UBE2D1: variants seen among roughly 807,000 people sequenced by gnomAD.
UBE2D1 encodes ubiquitin-conjugating enzyme E2 D1.
In UBE2D1, 9 loss-of-function variants were observed where a neutral mutation model predicts 24.6. The observed-to-expected ratio is 0.37, with a 90% CI of 0.22 to 0.64. UBE2D1 has a LOEUF of 0.64. UBE2D1 is among the 30% of genes least tolerant of loss of function. UBE2D1 has a pLI of 0.64. For missense variants in UBE2D1, 87 were observed against 177.1 expected, an observed-to-expected ratio of 0.49 and a Z score of 2.89; for synonymous variants, 57 against 57.6, an observed-to-expected ratio of 0.99 and a Z score of 0.04.
intron 1 of UBE2D1, among the ~76,000 whole-genome samples, chr10:58,344,014 AATTCT>A (rs1839989426): frequency 6.6e-6 from 1 of 152,106 alleles, no homozygotes; most frequent in Non-Finnish European, 1.5e-5. Context: ...TTTATGTGAA[AATTCT>A]ATTTATTTAA....
intron 1 of UBE2D1, among the ~76,000 whole-genome samples, chr10:58,346,878 T>C (rs1433587817): frequency 6.6e-6 from 1 of 152,148 alleles, no homozygotes; most frequent in Non-Finnish European, 1.5e-5. Flanking sequence ...TAAGCTACAG[T>C]GTTAGCAGAG....
chr10:58,336,091 G>A (rs1453065488), intron 1 of UBE2D1, among the ~76,000 whole-genome samples: 1 of 152,098 alleles, frequency 6.6e-6, no homozygotes, highest in Non-Finnish European at 1.5e-5. Flanking sequence ...GTATGGAATC[G>A]TCTTTTTTTC....
At position 58,361,542 on chromosome 10, in the gene UBE2D1, A is replaced by G. The variant is rs1156894225; in HGVS notation, c.120+16A>G. 1 of 1,613,784 alleles carries G rather than the reference A, an allele frequency of 6.2e-7. No individual in the cohort carries two copies. Among genetic ancestry groups the G allele is most frequent in the African/African-American group, 1.3e-5 (1 of 74,922 alleles). On this transcript the variant is annotated intron_variant, in intron 3 of 6. Transcript: ENST00000373910. ...TATGGGGCCTGTAAGTATGATTCAT[A>G]TCTATGAAATTAACCCCCTCAGCCA...
rs201608334 is a variant in UBE2D1 at position 58,370,048 on chromosome 10, C to CTTTTTTTT, written c.*1291_*1298dup. 7.0e-6 allele frequency: 1 copy of CTTTTTTTT among 142,196 alleles called. No homozygotes were observed. Among genetic ancestry groups the CTTTTTTTT allele is most frequent in the Non-Finnish European group, 1.6e-5 (1 of 64,146 alleles). 8.8% of individuals were successfully genotyped at this position (142,196 alleles called of 1,614,324 possible). On this transcript the variant is annotated 3_prime_UTR_variant, in exon 7 of 7. Coordinates refer to ENST00000373910, the MANE Select transcript of UBE2D1 (RefSeq NM_003338.5). ...TTTAATGCCATCACAATTTGAAAAACTTTTTTTTTTTTTTTACTATAGAAG... is the reference window on the plus strand; with the variant it reads ...TTTAATGCCATCACAATTTGAAAAACTTTTTTTTTTTTTTTTTTTTTTTACTATAGAAG...
intron 1 of UBE2D1, 127 bp downstream of exon 1, chr10:58,335,352 G>C (rs964973550): frequency 8.6e-7 from 1 of 1,163,146 alleles, no homozygotes; most frequent in African/African-American, 1.6e-5. Context: ...TGCGGGCAGG[G>C]AGCTGAAGGC....
At chr10:58,358,855 G>A (rs11597042) in intron 1 of UBE2D1, among the ~76,000 whole-genome samples, 1 of 151,040 alleles carries the variant, frequency 6.6e-6, no homozygotes, top group African/African-American at 2.4e-5. Context: ...CGAACTCCTG[G>A]GTTCAGGCGA....
At chr10:58,336,490 A>G (rs1025030861) in intron 1 of UBE2D1, among the ~76,000 whole-genome samples, 1 of 152,064 alleles carries the variant, frequency 6.6e-6, no homozygotes, top group Non-Finnish European at 1.5e-5. Flanking sequence ...CCAGTTTTTT[A>G]TTTTCAAATT....
intron 1 of UBE2D1, among the ~76,000 whole-genome samples, chr10:58,347,011 T>C (rs906147493): frequency 1.3e-5 from 2 of 152,206 alleles, no homozygotes; most frequent in Non-Finnish European, 2.9e-5. Context: ...TATCACAGGC[T>C]CCCTGGTCTA....
chr10:58,343,789 G>A (rs1467125188), intron 1 of UBE2D1, among the ~76,000 whole-genome samples: 2 of 152,136 alleles, frequency 1.3e-5, no homozygotes, highest in East Asian at 1.9e-4. Flanking sequence ...ACACTCAAGT[G>A]CCCACTATAT....
intron 3 of UBE2D1, 22 bp from the exon 4 acceptor site, chr10:58,363,587 T>A: frequency 6.4e-7 from 1 of 1,565,424 alleles, no homozygotes; most frequent in Non-Finnish European, 8.7e-7. Flanking sequence ...CAAATGCTGA[T>A]GCAAATCTTT....
At position 58,369,138 on chromosome 10, in the gene UBE2D1, A is replaced by C. The variant is rs879052303; in HGVS notation, c.*373A>C. 6.3e-6 allele frequency: 1 copy of C among 157,670 alleles called. No homozygotes were observed. The highest frequency in any genetic ancestry group is 2.0e-4 in the South Asian group (1 of 4,932). 9.8% of individuals were successfully genotyped at this position (157,670 alleles called of 1,614,324 possible). A position where few individuals can be genotyped will look rare whatever the true frequency, so the allele number is the denominator to read the frequency against. Reference sequence around the variant, plus strand: ...TGTTGTCTAAGATGTCAGTTTTATAAATCTGTATTCAGATTTCATTCTTTG... The same window carrying C: ...TGTTGTCTAAGATGTCAGTTTTATACATCTGTATTCAGATTTCATTCTTTG... On this transcript the variant is annotated 3_prime_UTR_variant, in exon 7 of 7. Transcript: ENST00000373910.
intron 1 of UBE2D1, among the ~76,000 whole-genome samples, chr10:58,359,000 C>T (rs1174598982): frequency 2.9e-5 from 4 of 139,152 alleles, no homozygotes; most frequent in African/African-American, 1.1e-4. Context: ...GAAGAGAAAC[C>T]GCACCAGCTA....
intron 1 of UBE2D1, among the ~76,000 whole-genome samples, chr10:58,357,836 C>G (rs1204050804): frequency 1.3e-5 from 2 of 152,086 alleles, no homozygotes; most frequent in African/African-American, 4.8e-5. Flanking sequence ...AAATAATGAT[C>G]CATGTGAATA....
intron 1 of UBE2D1, among the ~76,000 whole-genome samples, chr10:58,358,376 A>G (rs1218055092): frequency 6.6e-6 from 1 of 152,216 alleles, no homozygotes; most frequent in Non-Finnish European, 1.5e-5. Context: ...CTAAAAGCCC[A>G]AATTAGAAAA....
At chr10:58,338,631 G>A (rs1044566527) in intron 1 of UBE2D1, among the ~76,000 whole-genome samples, 2 of 151,940 alleles carry the variant, frequency 1.3e-5, no homozygotes, top group Admixed American at 6.6e-5. Context: ...AATTACAGGT[G>A]TTAATATCCC....
Position 58,351,450 on chromosome 10 carries a change from A to G in UBE2D1, c.25-9888A>G, listed in dbSNP as rs1840076189. Among the ~76,000 whole-genome samples, 3 of 152,144 alleles carry G rather than the reference A, an allele frequency of 2.0e-5. No individual in the cohort carries two copies. In the South Asian group the frequency reaches 6.2e-4, roughly 31 times the overall value. On this transcript the variant is annotated intron_variant, in intron 1 of 6. Transcript: ENST00000373910. ...CTTTTTTGTTAAAAACTAAGACACA[A>G]ACCCACACATTAGCCTAGGCTTACA...
At chr10:58,360,914 C>T in intron 1 of UBE2D1, 1 of 446,510 alleles carries the variant, frequency 2.2e-6, no homozygotes, top group South Asian at 1.6e-5. Context: ...AAAGTGAGAT[C>T]CTGTCTCAAA....
At chr10:58,338,066 C>G (rs939938357) in intron 1 of UBE2D1, among the ~76,000 whole-genome samples, 2 of 151,964 alleles carry the variant, frequency 1.3e-5, no homozygotes, top group African/African-American at 4.8e-5. Flanking sequence ...AGGCTGGTCT[C>G]GAACTCCTGA....
chr10:58,358,787 G>A (rs1395823028), intron 1 of UBE2D1, among the ~76,000 whole-genome samples: 1 of 150,080 alleles, frequency 6.7e-6, no homozygotes, highest in Non-Finnish European at 1.5e-5. Context: ...TTTAAATGCG[G>A]TCTTGCTCTG....
Sources: allele counts gnomAD v4.1 joint callset (sites outside exome capture counted in the v4.1 genomes callset), GRCh38; gene constraint gnomAD v4.1.1; transcripts MANE v1.5; gene names NCBI Gene and HGNC (gene_info 2026-07-23, HGNC 2026-07-21).